Variants in GPR176 observed in about 807,000 individuals in gnomAD.
The protein encoded by GPR176 is G-protein coupled receptor 176.
GPR176 carries 26 observed loss-of-function variants against 35.4 expected under a neutral mutation model. That is an observed-to-expected ratio of 0.74 (90% CI 0.54 to 1.02). The LOEUF is 1.02. GPR176 is among the 50% of genes least tolerant of loss of function. GPR176 has a pLI of 0.00. For synonymous variants in GPR176, 278 were observed against 271.3 expected, an observed-to-expected ratio of 1.02 and a Z score of -0.24; for missense variants, 597 against 665.3, an observed-to-expected ratio of 0.90 and a Z score of 1.13.
chr15:39,890,316 G>T (rs556521429), intron 1 of GPR176, among the ~76,000 whole-genome samples: 60 of 152,266 alleles, frequency 3.9e-4, no homozygotes, highest in African/African-American at 1.3e-3. Context: ...TCTAATTCGG[G>T]TTTTTTGCAG....
chr15:39,847,410 T>G (rs112504089), intron 1 of GPR176, among the ~76,000 whole-genome samples: 4 of 151,526 alleles, frequency 2.6e-5, no homozygotes, highest in African/African-American at 9.7e-5. Flanking sequence ...TATATACAGG[T>G]TGAAAGTAAA....
chr15:39,848,513 T>G (rs1595476500), intron 1 of GPR176, among the ~76,000 whole-genome samples: 1 of 152,288 alleles, frequency 6.6e-6, no homozygotes, highest in East Asian at 1.9e-4. Context: ...AGAATATACA[T>G]TATTTTCAAA....
chr15:39,811,826 G>C (rs1899581223), intron 1 of GPR176, among the ~76,000 whole-genome samples: 1 of 151,856 alleles, frequency 6.6e-6, no homozygotes, highest in Admixed American at 6.6e-5. Context: ...TGAGGCAGGA[G>C]AATGGCGTGA....
At chr15:39,854,522 A>G (rs1195949543) in intron 1 of GPR176, among the ~76,000 whole-genome samples, 2 of 152,162 alleles carry the variant, frequency 1.3e-5, no homozygotes, top group African/African-American at 4.8e-5. Flanking sequence ...TGCTCACTCT[A>G]TCTTGTTCCC....
intron 1 of GPR176, among the ~76,000 whole-genome samples, chr15:39,853,298 G>A (rs1351752078): frequency 6.6e-6 from 1 of 152,170 alleles, no homozygotes; most frequent in Non-Finnish European, 1.5e-5. Flanking sequence ...TATACCAAGT[G>A]AAATCAGCCA....
intron 1 of GPR176, among the ~76,000 whole-genome samples, chr15:39,881,154 A>G (rs1451888648): frequency 6.6e-6 from 1 of 152,062 alleles, no homozygotes; most frequent in Admixed American, 6.6e-5. Flanking sequence ...CTTTGCTCTC[A>G]CTGGCCTGTC....
intron 1 of GPR176, among the ~76,000 whole-genome samples, chr15:39,863,819 T>C (rs1418332192): frequency 6.6e-6 from 1 of 152,234 alleles, no homozygotes; most frequent in Non-Finnish European, 1.5e-5. Flanking sequence ...TAGCAGGCTG[T>C]ACCATCTAGG....
intron 1 of GPR176, among the ~76,000 whole-genome samples, chr15:39,832,827 C>T (rs1397993611): frequency 6.6e-6 from 1 of 152,134 alleles, no homozygotes; most frequent in Non-Finnish European, 1.5e-5. Context: ...ACTTGTGGTT[C>T]CTTCCATCTT....
intron 1 of GPR176, among the ~76,000 whole-genome samples, chr15:39,823,741 C>T (rs1207755596): frequency 1.3e-5 from 2 of 152,204 alleles, no homozygotes; most frequent in African/African-American, 4.8e-5. Context: ...GCCTGCCCAC[C>T]GCTAGACTGT....
At chr15:39,821,831 C>A (rs1275963355) in intron 1 of GPR176, among the ~76,000 whole-genome samples, 1 of 152,210 alleles carries the variant, frequency 6.6e-6, no homozygotes, top group Non-Finnish European at 1.5e-5. Flanking sequence ...ATATTGTAAG[C>A]CCCTCTTCAT....
At position 39,801,347 on chromosome 15, in the gene GPR176, A is replaced by C; in HGVS notation, c.1333T>G (p.Phe445Val). Residue 445 changes from phenylalanine (F) to valine (V), a missense_variant, in exon 3 of 3, where the codon TTC becomes GTC. Phe to Val is a conservative substitution (Grantham distance 50, BLOSUM62 -1). Transcript: ENST00000561100. ...APAAPVEPETFPDKYSLQFGF... is the reference protein window; with the variant it reads ...APAAPVEPETVPDKYSLQFGF... Reference sequence around the variant, plus strand: ...AACTGCAGGGAATACTTATCAGGGAATGTTTCAGGTTCCACAGGGGCTGCC... The same window carrying C: ...AACTGCAGGGAATACTTATCAGGGACTGTTTCAGGTTCCACAGGGGCTGCC... 3.1e-6 allele frequency: 5 copies of C among 1,614,138 alleles called. No homozygotes were observed. The highest frequency in any genetic ancestry group is 4.2e-6 in the Non-Finnish European group (5 of 1,179,990).
At chr15:39,892,355 T>C (rs1260060282) in intron 1 of GPR176, among the ~76,000 whole-genome samples, 2 of 152,180 alleles carry the variant, frequency 1.3e-5, no homozygotes, top group Non-Finnish European at 2.9e-5. Context: ...TTAAGTAATA[T>C]GACCAAATAA....
At chr15:39,805,766 G>A (rs1232151470) in intron 2 of GPR176, among the ~76,000 whole-genome samples, 3 of 152,210 alleles carry the variant, frequency 2.0e-5, no homozygotes, top group Non-Finnish European at 2.9e-5. Context: ...GCCTGAGAAA[G>A]AGAGGCAAAT....
chr15:39,850,900 T>C (rs973878132), intron 1 of GPR176, among the ~76,000 whole-genome samples: 10 of 151,986 alleles, frequency 6.6e-5, no homozygotes, highest in African/African-American at 2.2e-4. Context: ...AAAGACCTAT[T>C]AGGAAAACAC....
At position 39,913,918 on chromosome 15, in the gene GPR176, T is replaced by C. The variant is rs369260956; in HGVS notation, c.172+5937A>G. Among the ~76,000 whole-genome samples the C allele has an allele frequency of 8.1e-3, 1,227 of 152,136 alleles. 15 individuals carry two copies. Among genetic ancestry groups the C allele is most frequent in the East Asian group, 0.023 (119 of 5,162 alleles). The stretch of plus-strand genomic sequence containing the variant: ...AACATTAGCCGGGCATGGTGGTGGG[T>C]GCCTGTAGTCCCAGCTGCTCGGGAG... On this transcript the variant is annotated intron_variant, in intron 1 of 2. Transcript: ENST00000561100.
At chr15:39,839,330 T>C (rs185972731) in intron 1 of GPR176, among the ~76,000 whole-genome samples, 1 of 152,156 alleles carries the variant, frequency 6.6e-6, no homozygotes, top group Non-Finnish European at 1.5e-5. Flanking sequence ...ACCACACATC[T>C]ACAACCATCT....
intron 1 of GPR176, among the ~76,000 whole-genome samples, chr15:39,890,109 C>CT (rs1204694249): frequency 1.3e-5 from 2 of 152,020 alleles, no homozygotes; most frequent in Non-Finnish European, 2.9e-5. Flanking sequence ...CCACGCCTGG[C>CT]TTTTTTTAGA....
chr15:39,841,195 G>C (rs2029946129), intron 1 of GPR176, among the ~76,000 whole-genome samples: 1 of 152,232 alleles, frequency 6.6e-6, no homozygotes, highest in South Asian at 2.1e-4. Flanking sequence ...CTGCTAGCTA[G>C]CTGTCCCTTG....
Position 39,801,215 on chromosome 15 carries a change from T to G in GPR176, c.1465A>C (p.Thr489Pro), listed in dbSNP as rs1238854276. The G allele has an allele frequency of 1.4e-5, 22 of 1,614,156 alleles. No homozygotes were observed. The highest frequency in any genetic ancestry group is 1.9e-5 in the Non-Finnish European group (22 of 1,179,970). Residue 489 changes from threonine (T) to proline (P), a missense_variant, in exon 3 of 3, where the codon ACA (threonine) becomes CCA (proline). By Grantham distance (38) the Thr-to-Pro change is conservative. Around this residue, in one of 3 missense-constraint regions of GPR176, gnomAD observed 251 missense variants for 255.4 expected, o/e 0.98. Coordinates refer to ENST00000561100, the MANE Select transcript of GPR176 (RefSeq NM_007223.3). The stretch of plus-strand genomic sequence containing the variant: ...ACCCTGCCTACCTTGGGCACCTTTG[T>G]CTGGATCAGCTCTTCTGGGGTGTTG... The part of the protein sequence containing the change: ...LGNTPEELIQ[T>P]KVPKVGRVER...
Sources: gnomAD v4.1 joint callset for allele counts (sites outside exome capture counted in the v4.1 genomes callset) on GRCh38, gnomAD v4.1.1 for gene constraint, gnomAD v4.1.1 regional missense constraint, MANE v1.5 for transcripts, NCBI Gene and HGNC (gene_info 2026-07-23, HGNC 2026-07-21) for gene names.